The following BCL2 variants were observed in gnomAD, a reference collection of about 807,000 sequenced individuals.
The protein encoded by BCL2 is BCL2 apoptosis regulator.
BCL2 carries 1 observed loss-of-function variant against 14.2 expected under a neutral mutation model. That is an observed-to-expected ratio of 0.07 (90% CI 0.02 to 0.33). The LOEUF is 0.33. Ranked by LOEUF, BCL2 falls within the 10% of genes least tolerant of loss-of-function variation. The pLI is 0.99. For synonymous variants in BCL2, 151 were observed against 137.2 expected (o/e 1.10, Z -0.70); for missense variants, 247 against 305.9 (o/e 0.81, Z 1.44).
At chr18:63,310,094 T>C (rs1222327413) in intron 2 of BCL2, among the ~76,000 whole-genome samples, 1 of 152,072 alleles carries the variant, frequency 6.6e-6, no homozygotes, top group East Asian at 1.9e-4. Flanking sequence ...AACTCCTGAC[T>C]TCAAGTGATC....
intron 2 of BCL2, among the ~76,000 whole-genome samples, chr18:63,200,978 T>A (rs2144663957): frequency 6.6e-6 from 1 of 152,240 alleles, no homozygotes; most frequent in East Asian, 1.9e-4. Context: ...ATCCGCTGCA[T>A]CCTCAGCTCC....
chr18:63,130,882 A>G (rs1347493378), intron 2 of BCL2, among the ~76,000 whole-genome samples: 1 of 152,162 alleles, frequency 6.6e-6, no homozygotes, highest in Non-Finnish European at 1.5e-5. Flanking sequence ...CCATCCTCAC[A>G]TTCTCATGGA....
intron 2 of BCL2, among the ~76,000 whole-genome samples, chr18:63,154,547 C>G (rs1169912408): frequency 2.0e-5 from 3 of 152,230 alleles, no homozygotes; most frequent in Admixed American, 6.5e-5. Flanking sequence ...CTGGCAGCAT[C>G]AGCTGCAGCC....
chr18:63,256,344 G>A (rs1257729260), intron 2 of BCL2, among the ~76,000 whole-genome samples: 1 of 152,188 alleles, frequency 6.6e-6, no homozygotes, highest in African/African-American at 2.4e-5. Context: ...AGCTTCCTAA[G>A]TAACTGGGAC....
chr18:63,217,599 C>T (rs890050303), intron 2 of BCL2, among the ~76,000 whole-genome samples: 5 of 152,142 alleles, frequency 3.3e-5, no homozygotes, highest in African/African-American at 4.8e-5. Flanking sequence ...AAGTGCTGAC[C>T]GCCAAATGAC....
chr18:63,247,565 G>C (rs1402933269), intron 2 of BCL2, among the ~76,000 whole-genome samples: 4 of 152,130 alleles, frequency 2.6e-5, no homozygotes, highest in African/African-American at 9.7e-5. Context: ...TCTTCTACTA[G>C]GGGAAGAACC....
chr18:63,180,051 CA>C (rs916336124), intron 2 of BCL2, among the ~76,000 whole-genome samples: 61 of 152,330 alleles, frequency 4.0e-4, no homozygotes, highest in African/African-American at 1.4e-3. Context: ...GCCATCTACG[CA>C]ATCTATCAAT....
chr18:63,130,063 T>C (rs1441019284), intron 2 of BCL2, among the ~76,000 whole-genome samples: 1 of 152,198 alleles, frequency 6.6e-6, no homozygotes, highest in Non-Finnish European at 1.5e-5. Context: ...AAGTCTACCC[T>C]CTGGATGGGC....
intron 1 of BCL2, 101 bp downstream of exon 1, chr18:63,319,073 C>G: frequency 9.3e-7 from 1 of 1,076,050 alleles, no homozygotes; most frequent in Non-Finnish European, 1.1e-6. Context: ...ATGTATTAAG[C>G]TGCCTGGAAA....
At chr18:63,307,002 C>A (rs1222976879) in intron 2 of BCL2, among the ~76,000 whole-genome samples, 1 of 152,202 alleles carries the variant, frequency 6.6e-6, no homozygotes, top group Non-Finnish European at 1.5e-5. Flanking sequence ...TCACTTCCCA[C>A]TTCCCCAGGG....
intron 2 of BCL2, among the ~76,000 whole-genome samples, chr18:63,306,953 T>C (rs551350993): frequency 7.2e-5 from 11 of 152,004 alleles, no homozygotes; most frequent in African/African-American, 2.4e-4. Flanking sequence ...AAAGATTGGA[T>C]AGCACTGCCC....
At position 63,128,504 on chromosome 18, in the gene BCL2, G is replaced by A. The variant is rs1262785594; in HGVS notation, c.*121C>T. 1.5e-6 allele frequency: 1 copy of A among 653,666 alleles called. No homozygotes were observed. Among genetic ancestry groups the A allele is most frequent in the South Asian group, 1.9e-5 (1 of 53,022 alleles). The allele number at this position is 653,666 out of a possible 1,614,324, so 40.5% of individuals were successfully genotyped here. ...CTGTCTGTGTGTGTGATGTTTATATGTGTGTTATTTTTTCTTAAACAGCCT... is the reference window on the plus strand; with the variant it reads ...CTGTCTGTGTGTGTGATGTTTATATATGTGTTATTTTTTCTTAAACAGCCT... On this transcript the variant is annotated 3_prime_UTR_variant, in exon 3 of 3. Coordinates refer to ENST00000333681, the MANE Select transcript of BCL2 (RefSeq NM_000633.3).
At chr18:63,265,559 A>G (rs1486285609) in intron 2 of BCL2, among the ~76,000 whole-genome samples, 1 of 152,166 alleles carries the variant, frequency 6.6e-6, no homozygotes, top group Admixed American at 6.5e-5. Context: ...GGATTTTATA[A>G]TTTAGGCGTG....
intron 2 of BCL2, among the ~76,000 whole-genome samples, chr18:63,159,661 G>T (rs1400098435): frequency 6.6e-6 from 1 of 152,190 alleles, no homozygotes; most frequent in Non-Finnish European, 1.5e-5. Flanking sequence ...TGGGATATTA[G>T]GTATTGCGGG....
chr18:63,160,789 C>T (rs1914901227), intron 2 of BCL2, among the ~76,000 whole-genome samples: 1 of 144,624 alleles, frequency 6.9e-6, no homozygotes, highest in Admixed American at 7.0e-5. Flanking sequence ...GAGAAAAAAG[C>T]CACATCGCTT....
intron 2 of BCL2, among the ~76,000 whole-genome samples, chr18:63,201,135 A>G (rs1422349709): frequency 1.3e-5 from 2 of 152,164 alleles, no homozygotes; most frequent in Non-Finnish European, 2.9e-5. Flanking sequence ...GCTGATAGCC[A>G]GTTTACTGAC....
At chr18:63,180,190 C>A (rs1361883817) in intron 2 of BCL2, among the ~76,000 whole-genome samples, 1 of 152,232 alleles carries the variant, frequency 6.6e-6, no homozygotes, top group African/African-American at 2.4e-5. Flanking sequence ...TTTATTAACC[C>A]CTGACGGCTT....
At chr18:63,293,215 C>A (rs1912704177) in intron 2 of BCL2, among the ~76,000 whole-genome samples, 1 of 152,210 alleles carries the variant, frequency 6.6e-6, no homozygotes, top group South Asian at 2.1e-4. Context: ...AACCAAAATA[C>A]TCCTCCAGCC....
At chr18:63,300,941 T>C (rs1433619261) in intron 2 of BCL2, among the ~76,000 whole-genome samples, 1 of 152,228 alleles carries the variant, frequency 6.6e-6, no homozygotes, top group Non-Finnish European at 1.5e-5. Context: ...ATTTGCTGTT[T>C]CTATTGGCTG....
Sources: allele counts gnomAD v4.1 joint callset (sites outside exome capture counted in the v4.1 genomes callset), GRCh38; gene constraint gnomAD v4.1.1; transcripts MANE v1.5; gene names NCBI Gene and HGNC (gene_info 2026-07-23, HGNC 2026-07-21).